SMYD3: variants seen among roughly 807,000 people sequenced by gnomAD.
The protein encoded by SMYD3 is SET and MYND domain containing 3.
In SMYD3, 36 loss-of-function variants were observed where a neutral mutation model predicts 57.7. The ratio of observed to expected loss-of-function variants is 0.62; its 90% CI spans 0.48 to 0.82. SMYD3 has a LOEUF of 0.82. Ranked by LOEUF, SMYD3 falls within the 40% of genes least tolerant of loss-of-function variation. The pLI is 0.00. For missense variants in SMYD3, 515 were observed against 538.8 expected, an observed-to-expected ratio of 0.96 and a Z score of 0.44; for synonymous variants, 211 against 195.0, an observed-to-expected ratio of 1.08 and a Z score of -0.68.
At chr1:246,295,687 T>C (rs866224577) in intron 5 of SMYD3, among the ~76,000 whole-genome samples, 6 of 152,164 alleles carry the variant, frequency 3.9e-5, no homozygotes, top group African/African-American at 1.2e-4. Flanking sequence ...TATGACAGGA[T>C]TTAAATATAC....
chr1:246,148,173 C>T (rs578207597), intron 5 of SMYD3, among the ~76,000 whole-genome samples: 1 of 152,238 alleles, frequency 6.6e-6, no homozygotes, highest in South Asian at 2.1e-4. Flanking sequence ...ACATGGAGGA[C>T]CATGGGCCAA....
chr1:246,255,978 ATAGATAGATAC>A (rs2063883304), intron 5 of SMYD3, among the ~76,000 whole-genome samples: 1 of 151,978 alleles, frequency 6.6e-6, no homozygotes, highest in African/African-American at 2.4e-5. Flanking sequence ...AGATAGATAG[ATAGATAGATAC>A]ACACACACAT....
chr1:246,344,331 T>C (rs2065677635), intron 2 of SMYD3, among the ~76,000 whole-genome samples: 1 of 152,248 alleles, frequency 6.6e-6, no homozygotes. Flanking sequence ...AATTGTAAGA[T>C]CAGTTTTGTC....
At chr1:246,023,807 C>CTGTGTGCGTGTGTGTGTGTGTGTG (rs2059519595) in intron 5 of SMYD3, among the ~76,000 whole-genome samples, 2 of 139,612 alleles carry the variant, frequency 1.4e-5, no homozygotes, top group African/African-American at 5.5e-5. Context: ...TATTACAAAA[C>CTGTGTGCGTGTGTGTGTGTGTGTG]TGTGTGTGTG....
At chr1:245,886,461 T>C (rs1457435782) in intron 8 of SMYD3, among the ~76,000 whole-genome samples, 2 of 152,126 alleles carry the variant, frequency 1.3e-5, no homozygotes, top group African/African-American at 4.8e-5. Context: ...TTAGAGACCA[T>C]CACACCCTCA....
rs546427368 is a variant in SMYD3, at chr1:246,359,029, C to T, written c.165-3935G>A. Among the ~76,000 whole-genome samples, 3 of 152,058 alleles carry T rather than the reference C, an allele frequency of 2.0e-5. No homozygotes were observed. The South Asian group carries it at 6.2e-4, about 32-fold the overall frequency. ...TGCAAAAGATAAATGAAACAAAAGG[C>T]TGGTTTTGAAAAGATAAATAAAACT... On this transcript the variant is annotated intron_variant, in intron 1 of 11. Coordinates refer to ENST00000490107, the MANE Select transcript of SMYD3 (RefSeq NM_001167740.2).
chr1:245,816,582 C>A (rs2048815817), intron 10 of SMYD3, among the ~76,000 whole-genome samples: 1 of 150,120 alleles, frequency 6.7e-6, no homozygotes, highest in Admixed American at 6.6e-5. Context: ...CAGTCTACAG[C>A]TCCCAGCGTG....
chr1:245,849,443 CT>C (rs2050838968), intron 10 of SMYD3, among the ~76,000 whole-genome samples: 1 of 151,916 alleles, frequency 6.6e-6, no homozygotes, highest in Non-Finnish European at 1.5e-5. Context: ...GATCTTCCAA[CT>C]TCCAGCAGAG....
chr1:246,267,770 T>C (rs2064138432), intron 5 of SMYD3, among the ~76,000 whole-genome samples: 1 of 152,226 alleles, frequency 6.6e-6, no homozygotes, highest in African/African-American at 2.4e-5. Context: ...TACTGTTGCA[T>C]GCTCAACAAT....
chr1:246,228,409 T>A (rs4654097), intron 5 of SMYD3, among the ~76,000 whole-genome samples: 1 of 152,096 alleles, frequency 6.6e-6, no homozygotes, highest in South Asian at 2.1e-4. Flanking sequence ...ACAAAGTTCA[T>A]AGAGTAATGG....
At chr1:246,431,035 A>C (rs966102076) in intron 1 of SMYD3, among the ~76,000 whole-genome samples, 17 of 152,220 alleles carry the variant, frequency 1.1e-4, no homozygotes, top group Admixed American at 1.0e-3. Flanking sequence ...TGAAAGCAGT[A>C]CACATGGACT....
chr1:245,940,984 G>C (rs945051901), intron 5 of SMYD3, among the ~76,000 whole-genome samples: 3 of 152,158 alleles, frequency 2.0e-5, no homozygotes, highest in African/African-American at 7.2e-5. Flanking sequence ...TGACCTGATG[G>C]AGCTGAAAAA....
intron 5 of SMYD3, among the ~76,000 whole-genome samples, chr1:246,107,201 G>A (rs2061145082): frequency 6.6e-6 from 1 of 151,126 alleles, no homozygotes; most frequent in East Asian, 2.0e-4. Context: ...GCAGGAGAAT[G>A]GTGTGAACCT....
intron 1 of SMYD3, among the ~76,000 whole-genome samples, chr1:246,502,420 C>T (rs886232823): frequency 1.1e-4 from 16 of 152,324 alleles, no homozygotes; most frequent in Middle Eastern, 6.8e-3. Context: ...GCATGAGCCA[C>T]CATGCCCAGC....
At chr1:246,247,503 C>CATATAT (rs150218563) in intron 5 of SMYD3, among the ~76,000 whole-genome samples, 220 of 144,204 alleles carry the variant, frequency 1.5e-3, no homozygotes, top group South Asian at 7.0e-3. Flanking sequence ...ACATGGGACT[C>CATATAT]ATATATATAT....
At chr1:245,888,050 G>A (rs1192413656) in intron 8 of SMYD3, among the ~76,000 whole-genome samples, 1 of 152,176 alleles carries the variant, frequency 6.6e-6, no homozygotes, top group African/African-American at 2.4e-5. Flanking sequence ...AAACAGAAAA[G>A]ACTTATTCCT....
At chr1:245,977,256 AATGGCCTAAC>A (rs2148053875) in intron 5 of SMYD3, among the ~76,000 whole-genome samples, 1 of 152,306 alleles carries the variant, frequency 6.6e-6, no homozygotes, top group South Asian at 2.1e-4. Flanking sequence ...AACTTCTTCA[AATGGCCTAAC>A]ACGGCTCCGC....
rs2063249540 is a variant in SMYD3 at position 246,221,244 on chromosome 1, C to T, written c.531+105957G>A. Among the ~76,000 whole-genome samples, 7 of 152,278 alleles carry T rather than the reference C, an allele frequency of 4.6e-5. No individual in the cohort carries two copies. In the South Asian group the frequency reaches 1.5e-3, roughly 32 times the overall value. On this transcript the variant is annotated intron_variant, in intron 5 of 11. Coordinates refer to ENST00000490107, the MANE Select transcript of SMYD3 (RefSeq NM_001167740.2). ...GGAGCTGAACGCTCATTGGGACATC[C>T]TGGCTACGGAGAGGACCTGCCCACT...
At chr1:246,000,398 T>C (rs556690069) in intron 5 of SMYD3, among the ~76,000 whole-genome samples, 2 of 151,958 alleles carry the variant, frequency 1.3e-5, no homozygotes, top group Non-Finnish European at 2.9e-5. Context: ...AAAAACAGAA[T>C]GTGAAGATGG....
Sources: gnomAD v4.1 joint callset for allele counts (sites outside exome capture counted in the v4.1 genomes callset) on GRCh38, gnomAD v4.1.1 for gene constraint, MANE v1.5 for transcripts, NCBI Gene and HGNC (gene_info 2026-07-23, HGNC 2026-07-21) for gene names.